MAF: variants seen among roughly 807,000 people sequenced by gnomAD.
MAF encodes the protein MAF bZIP transcription factor.
In MAF, 10 loss-of-function variants were observed where a neutral mutation model predicts 22.0. That is an observed-to-expected ratio of 0.45 (90% CI 0.28 to 0.77). The LOEUF (loss-of-function observed/expected upper bound fraction) is 0.77, where lower values mean the gene tolerates loss of function less well. Among genes scored for constraint, MAF ranks in the 30% least tolerant of loss-of-function variants. The pLI is 0.12. For missense variants in MAF, 544 were observed against 548.4 expected (o/e 0.99, Z 0.08); for synonymous variants, 337 against 255.8 (o/e 1.32, Z -3.03).
chr16:79,350,847 G>A, the MAF span, among the ~76,000 whole-genome samples: 3 of 150,310 alleles, frequency 2.0e-5, no homozygotes, highest in African/African-American at 7.4e-5. Context: ...TACAGCAGGT[G>A]GCCTGCCTAA....
the MAF span, among the ~76,000 whole-genome samples, chr16:79,362,963 A>T: frequency 5.9e-5 from 9 of 152,288 alleles, no homozygotes; most frequent in South Asian, 1.7e-3. Context: ...TAACTATCCA[A>T]CTAGTAATCC....
In MAF at chr16:79,599,663, C is replaced by T. The variant is rs186864493; in HGVS notation, c.240G>A (p.Ser80=). 15 of 1,612,000 alleles carry T rather than the reference C, an allele frequency of 9.3e-6. No individual in the cohort carries two copies. The highest frequency in any genetic ancestry group is 3.3e-5 in the Admixed American group (2 of 59,930). Residue 80 remains serine (S), a synonymous_variant, in exon 1 of 2, where the codon TCG becomes TCA. Coordinates refer to ENST00000326043, the MANE Select transcript of MAF (RefSeq NM_005360.5). The part of the protein sequence containing the change: ...SPSFSAPSPG[S]GSEQKAHLED... ...CCAGGTGCGCCTTCTGCTCGCTGCC[C>T]GAGCCCGGGCTGGGCGCCGAGAAGC...
At chr16:79,225,932 G>C in the MAF span, among the ~76,000 whole-genome samples, 1 of 152,200 alleles carries the variant, frequency 6.6e-6, no homozygotes, top group Admixed American at 6.5e-5. Flanking sequence ...CTGTTGGTGA[G>C]AGTGTAAATT....
the MAF span, among the ~76,000 whole-genome samples, chr16:79,248,094 G>T: frequency 1.3e-5 from 2 of 151,736 alleles, no homozygotes; most frequent in Non-Finnish European, 2.9e-5. Flanking sequence ...CTCATGTCGG[G>T]ATTAATTTTG....
the MAF span, among the ~76,000 whole-genome samples, chr16:79,240,834 C>T: frequency 2.6e-5 from 4 of 152,136 alleles, no homozygotes; most frequent in East Asian, 3.9e-4. Context: ...TGGTACAAAG[C>T]TTCCAGAGGA....
chr16:79,554,510 G>C, the MAF span, among the ~76,000 whole-genome samples: 2 of 152,124 alleles, frequency 1.3e-5, no homozygotes, highest in Non-Finnish European at 2.9e-5. Context: ...AATCTAAATG[G>C]GATTTTAGAA....
At chr16:79,451,157 C>T in the MAF span, among the ~76,000 whole-genome samples, 3 of 152,220 alleles carry the variant, frequency 2.0e-5, no homozygotes, top group South Asian at 2.1e-4. Context: ...CTACCCACCA[C>T]CTTCAGTTTG....
the MAF span, among the ~76,000 whole-genome samples, chr16:79,391,676 C>G: frequency 6.6e-6 from 1 of 152,128 alleles, no homozygotes; most frequent in Non-Finnish European, 1.5e-5. Context: ...AGGTGGGCAT[C>G]CGCCTCCAGG....
chr16:79,599,356 G>T lies in MAF; in HGVS notation c.547C>A (p.His183Asn), dbSNP rs1262562851. Residue 183 changes from histidine to asparagine, a missense_variant, in exon 1 of 2, where the codon CAC becomes AAC. Around this residue, in one of 5 missense-constraint regions of MAF, gnomAD observed 342 missense variants for 315.5 expected, o/e 1.08. Coordinates refer to ENST00000326043, the MANE Select transcript of MAF (RefSeq NM_005360.5). Reference protein sequence around the residue: ...AQSGAGPHYHHHHHHAAGHHH... With the variant: ...AQSGAGPHYHNHHHHAAGHHH... ...TGGCCGGCGGCGTGGTGGTGGTGGTGGTGGTAGTGCGGGCCCGCGCCGCTC... is the reference window on the plus strand; with the variant it reads ...TGGCCGGCGGCGTGGTGGTGGTGGTTGTGGTAGTGCGGGCCCGCGCCGCTC... 147 of 994,608 alleles carry T rather than the reference G, an allele frequency of 1.5e-4. 1 individual carries two copies. The South Asian group carries it at 5.6e-3, about 38-fold the overall frequency. 61.6% of individuals were successfully genotyped at this position (994,608 alleles called of 1,614,324 possible). A position where few individuals can be genotyped will look rare whatever the true frequency, so the allele number is the denominator to read the frequency against.
At chr16:79,488,754 T>C in the MAF span, among the ~76,000 whole-genome samples, 1 of 152,180 alleles carries the variant, frequency 6.6e-6, no homozygotes. Context: ...CCTTAGAGAA[T>C]GCAGTGCACA....
rs1208555979 is a variant in MAF at position 79,594,545 on chromosome 16, G to A, written c.1127C>T (p.Pro376Leu). 1.3e-6 allele frequency: 2 copies of A among 1,561,342 alleles called. No individual in the cohort carries two copies. Among genetic ancestry groups the A allele is most frequent in the Non-Finnish European group, 1.7e-6 (2 of 1,150,596 alleles). Residue 376 changes from proline (P) to leucine (L), a missense_variant, in exon 2 of 2, where the codon CCC becomes CTC. Pro to Leu is a moderately conservative substitution (Grantham distance 98, BLOSUM62 -3). This residue lies in a region of MAF where 129 missense variants were observed against 113.6 expected (regional missense o/e 1.14). Transcript: ENST00000326043. ...PSSPEFFITEPTRKLEPSVGY... is the reference protein window; with the variant it reads ...PSSPEFFITELTRKLEPSVGY... ...CACTGATGGCTCCAACTTGCGAGTGGGCTCAGTTCTGTAATTGGAATGAAA... is the reference window on the plus strand; with the variant it reads ...CACTGATGGCTCCAACTTGCGAGTGAGCTCAGTTCTGTAATTGGAATGAAA...
chr16:79,578,316 A>T, the MAF span, among the ~76,000 whole-genome samples: 3 of 152,068 alleles, frequency 2.0e-5, no homozygotes, highest in Non-Finnish European at 4.4e-5. Flanking sequence ...CCAGGGACCC[A>T]TTTTGCCCCA....
the MAF span, among the ~76,000 whole-genome samples, chr16:79,288,366 G>A: frequency 3.3e-5 from 5 of 152,098 alleles, no homozygotes; most frequent in Non-Finnish European, 7.4e-5. Context: ...TCCTAAGCCG[G>A]TTACATAAGA....
At chr16:79,341,163 T>C in the MAF span, among the ~76,000 whole-genome samples, 1 of 152,086 alleles carries the variant, frequency 6.6e-6, no homozygotes, top group South Asian at 2.1e-4. Flanking sequence ...GTACAGGTTC[T>C]GGGTCTTGTC....
the MAF span, among the ~76,000 whole-genome samples, chr16:79,260,137 T>A: frequency 6.6e-6 from 1 of 152,162 alleles, no homozygotes; most frequent in Non-Finnish European, 1.5e-5. Context: ...CTTGACTCAT[T>A]TATCTTATTT....
At chr16:79,404,986 G>A in the MAF span, among the ~76,000 whole-genome samples, 5 of 152,000 alleles carry the variant, frequency 3.3e-5, no homozygotes, top group African/African-American at 7.3e-5. Context: ...GGTTAGTACC[G>A]AACCACACAG....
At chr16:79,335,843 G>C in the MAF span, among the ~76,000 whole-genome samples, 5 of 152,204 alleles carry the variant, frequency 3.3e-5, no homozygotes, top group African/African-American at 1.2e-4. Context: ...GCTCAGAGGG[G>C]ACAAGAGGCA....
At chr16:79,547,009 CTG>C in the MAF span, among the ~76,000 whole-genome samples, 10 of 152,166 alleles carry the variant, frequency 6.6e-5, no homozygotes, top group Non-Finnish European at 8.8e-5. Context: ...TAATTCACCT[CTG>C]TGTTGGTAAG....
the MAF span, chr16:79,212,040 G>A: frequency 2.0e-6 from 3 of 1,536,176 alleles, no homozygotes; most frequent in African/African-American, 1.4e-5. Context: ...GTGGTGGCCT[G>A]TTTGAAAGTA....
Sources: allele counts gnomAD v4.1 joint callset (sites outside exome capture counted in the v4.1 genomes callset), GRCh38; gene constraint gnomAD v4.1.1; regional missense constraint gnomAD v4.1.1; transcripts MANE v1.5; gene names NCBI Gene and HGNC (gene_info 2026-07-23, HGNC 2026-07-21).